Variants in HDAC4 observed in about 807,000 individuals in gnomAD.
The protein encoded by HDAC4 is histone deacetylase 4, also known as histone deacetylase A.
A neutral mutation model predicts 135.1 loss-of-function variants in HDAC4; 16 were observed. The ratio of observed to expected loss-of-function variants is 0.12; its 90% CI spans 0.08 to 0.18. The LOEUF is 0.18. Among genes scored for constraint, HDAC4 ranks in the 10% least tolerant of loss-of-function variants. The pLI is 1.00. For missense variants in HDAC4, 1,143 were observed against 1,511.8 expected (o/e 0.76, Z 4.05); for synonymous variants, 685 against 653.4 (o/e 1.05, Z -0.74).
intron 1 of HDAC4, among the ~76,000 whole-genome samples, chr2:239,376,969 G>A (rs151317199): frequency 8.2e-4 from 124 of 152,130 alleles, no homozygotes; most frequent in African/African-American, 2.9e-3. Flanking sequence ...GCTATTCCAC[G>A]CCCGTCCCTC....
intron 2 of HDAC4, among the ~76,000 whole-genome samples, chr2:239,282,610 A>G (rs2050858640): frequency 6.7e-6 from 1 of 150,170 alleles, no homozygotes; most frequent in African/African-American, 2.5e-5. Context: ...TCTGCAAACA[A>G]TGTACACACC....
At chr2:239,140,515 T>C (rs2041289555) in intron 8 of HDAC4, among the ~76,000 whole-genome samples, 1 of 152,218 alleles carries the variant, frequency 6.6e-6, no homozygotes, top group Non-Finnish European at 1.5e-5. Context: ...AGGCTCTCGA[T>C]ATTCACACAA....
intron 2 of HDAC4, among the ~76,000 whole-genome samples, chr2:239,264,023 G>A (rs2049551944): frequency 6.6e-6 from 1 of 152,066 alleles, no homozygotes; most frequent in Non-Finnish European, 1.5e-5. Flanking sequence ...TGGGGTGGGG[G>A]CCATCCTCGA....
At chr2:239,065,949 GAA>G (rs2033415018) in intron 24 of HDAC4, among the ~76,000 whole-genome samples, 1 of 152,228 alleles carries the variant, frequency 6.6e-6, no homozygotes, top group Admixed American at 6.5e-5. Flanking sequence ...AACTCAGAAT[GAA>G]AGGTACCCCT....
chr2:239,194,520 G>A lies in HDAC4; in HGVS notation c.95-4443C>T, dbSNP rs1023517614. Among the ~76,000 whole-genome samples the A allele has an allele frequency of 4.6e-5, 7 of 152,232 alleles. No individual in the cohort carries two copies. In the East Asian group the frequency reaches 5.8e-4, roughly 13 times the overall value. On this transcript the variant is annotated intron_variant, in intron 3 of 26. Transcript: ENST00000543185. ...CCTCCTGTGCGTGCATCACCTGAAC[G>A]GTCACAGCTCGACCCAAGTCTGCTC...
rs74003974 is a variant in HDAC4, at chr2:239,385,167, T to C, written c.-220+15811A>G. ...GGAGGCCCATAGCCCCTGACTGCTT[T>C]GCGTGGAGGCCCTCTCCCCAGCATC... On this transcript the variant is annotated intron_variant, in intron 1 of 26. Coordinates refer to ENST00000543185, the MANE Select transcript of HDAC4 (RefSeq NM_001378414.1). Among the ~76,000 whole-genome samples the C allele has an allele frequency of 6.7e-3, 1,025 of 152,264 alleles. 12 individuals are homozygous for C. The highest frequency in any genetic ancestry group is 0.023 in the African/African-American group (962 of 41,530).
At chr2:239,282,302 A>C (rs62643379) in intron 2 of HDAC4, among the ~76,000 whole-genome samples, 18,406 of 40,080 alleles carry the variant, frequency 0.46, 4,802 homozygotes, top group African/African-American at 0.68. Flanking sequence ...ACACCACTCT[A>C]CACACAATGT....
chr2:239,105,395 C>T (rs973230655), intron 15 of HDAC4, among the ~76,000 whole-genome samples: 1 of 152,198 alleles, frequency 6.6e-6, no homozygotes, highest in Non-Finnish European at 1.5e-5. Flanking sequence ...GGGGCCCGCA[C>T]ACACACATGG....
chr2:239,267,664 G>T (rs1051763409), intron 2 of HDAC4, among the ~76,000 whole-genome samples: 1 of 152,262 alleles, frequency 6.6e-6, no homozygotes, highest in Non-Finnish European at 1.5e-5. Flanking sequence ...CCACAGAAGA[G>T]GCCTGTGCCA....
intron 3 of HDAC4, among the ~76,000 whole-genome samples, chr2:239,210,525 C>G (rs3791597): frequency 0.23 from 34,239 of 152,086 alleles, 4,848 homozygotes; most frequent in African/African-American, 0.39. Context: ...GGCTTTACTA[C>G]AAACGTGTAC....
At chr2:239,087,640 A>G (rs774519012) in intron 18 of HDAC4, 26 bp from the exon 19 acceptor site, 21 of 1,611,170 alleles carry the variant, frequency 1.3e-5, no homozygotes. Context: ...GACAGCCAGG[A>G]GAGAGCAACA....
intron 22 of HDAC4, among the ~76,000 whole-genome samples, chr2:239,078,709 A>T (rs2035011091): frequency 6.6e-6 from 1 of 152,042 alleles, no homozygotes; most frequent in East Asian, 1.9e-4. Flanking sequence ...GGGCCTGGGG[A>T]GGGGGAGTGA....
chr2:239,300,985 G>A (rs1037005898), intron 2 of HDAC4, among the ~76,000 whole-genome samples: 2 of 152,240 alleles, frequency 1.3e-5, no homozygotes, highest in Non-Finnish European at 2.9e-5. Flanking sequence ...TCCTGGGGCT[G>A]CCCGTCCAGA....
intron 16 of HDAC4, among the ~76,000 whole-genome samples, chr2:239,099,374 T>A (rs3791394): frequency 9.2e-5 from 14 of 152,160 alleles, no homozygotes; most frequent in Non-Finnish European, 2.1e-4. Context: ...GCTTTGAGGC[T>A]GCTCAGCAAC....
chr2:239,114,025 A>G (rs913075487), intron 13 of HDAC4, among the ~76,000 whole-genome samples: 3 of 152,214 alleles, frequency 2.0e-5, no homozygotes, highest in Non-Finnish European at 4.4e-5. Flanking sequence ...GAGACCACTG[A>G]GCACTGATCC....
At chr2:239,319,699 T>G in intron 2 of HDAC4, among the ~76,000 whole-genome samples, 1 of 152,084 alleles carries the variant, frequency 6.6e-6, no homozygotes, top group Admixed American at 6.5e-5. Context: ...TTGTGAAAAT[T>G]CACAAAATTG....
rs376543919 is a variant in HDAC4 at position 239,276,026 on chromosome 2, G to A, written c.23-39362C>T. The stretch of plus-strand genomic sequence containing the variant: ...GATGGCCAGCATGCTCTGAGCCAGC[G>A]CAGGCCAGGGACCTCTGGGGCTGGG... On this transcript the variant is annotated intron_variant, in intron 2 of 26. Transcript: ENST00000543185. 7.2e-5 allele frequency among the ~76,000 whole-genome samples: 11 copies of A among 152,276 alleles called. No homozygotes were observed. The South Asian group carries it at 1.0e-3, about 14-fold the overall frequency.
At chr2:239,099,374 T>C (rs3791394) in intron 16 of HDAC4, among the ~76,000 whole-genome samples, 44,544 of 152,224 alleles carry the variant, frequency 0.29, 6,742 homozygotes, top group Non-Finnish European at 0.33. Flanking sequence ...GCTTTGAGGC[T>C]GCTCAGCAAC....
chr2:239,311,303 C>T (rs1460903591), intron 2 of HDAC4, among the ~76,000 whole-genome samples: 1 of 152,174 alleles, frequency 6.6e-6, no homozygotes, highest in Non-Finnish European at 1.5e-5. Context: ...TTGCATGGCA[C>T]TGAGATGTGT....
Sources: allele counts gnomAD v4.1 joint callset (sites outside exome capture counted in the v4.1 genomes callset), GRCh38; gene constraint gnomAD v4.1.1; transcripts MANE v1.5; gene names NCBI Gene and HGNC (gene_info 2026-07-23, HGNC 2026-07-21).